The following CEP83 variants were observed in gnomAD, a reference collection of about 807,000 sequenced individuals.
CEP83 encodes centrosomal protein of 83 kDa.
A neutral mutation model predicts 101.9 loss-of-function variants in CEP83; 70 were observed. The observed-to-expected ratio is 0.69, with a 90% confidence interval of 0.57 to 0.84. The LOEUF is 0.84. Ranked by LOEUF, CEP83 falls within the 40% of genes least tolerant of loss-of-function variation. CEP83 has a pLI of 0.00. For missense variants in CEP83, 715 were observed against 787.2 expected (o/e 0.91, Z 1.10); for synonymous variants, 264 against 267.9 (o/e 0.99, Z 0.14).
intron 7 of CEP83, among the ~76,000 whole-genome samples, chr12:94,377,296 T>C (rs1229433163): frequency 6.6e-6 from 1 of 152,186 alleles, no homozygotes; most frequent in Non-Finnish European, 1.5e-5. Flanking sequence ...TTTACCCTCA[T>C]GACCACATGA....
chr12:94,278,202 C>T, the CEP83 span: 7 of 367,660 alleles, frequency 1.9e-5, no homozygotes, highest in Non-Finnish European at 2.7e-5. Flanking sequence ...CCTCGTTAAG[C>T]CAGGCTCAAA....
intron 8 of CEP83, among the ~76,000 whole-genome samples, chr12:94,373,014 G>A (rs1475218105): frequency 6.6e-6 from 1 of 152,070 alleles, no homozygotes; most frequent in Non-Finnish European, 1.5e-5. Flanking sequence ...ACTTTTCTAT[G>A]AGTAATCTGA....
intron 11 of CEP83, among the ~76,000 whole-genome samples, chr12:94,365,828 T>G (rs2060997686): frequency 6.6e-6 from 1 of 151,424 alleles, no homozygotes; most frequent in Non-Finnish European, 1.5e-5. Flanking sequence ...GGAGACTATT[T>G]CACTAAACAC....
intron 11 of CEP83, among the ~76,000 whole-genome samples, chr12:94,338,311 G>A (rs746018138): frequency 2.6e-5 from 4 of 152,136 alleles, no homozygotes; most frequent in African/African-American, 4.8e-5. Context: ...AGTCCTCAGC[G>A]ACTGTTAAGG....
intron 4 of CEP83, among the ~76,000 whole-genome samples, chr12:94,406,323 C>T (rs1427755064): frequency 6.6e-6 from 1 of 151,596 alleles, no homozygotes; most frequent in Non-Finnish European, 1.5e-5. Flanking sequence ...AAAACTCCGT[C>T]TCAAAAACAA....
chr12:94,428,798 T>C lies in CEP83; in HGVS notation c.-102+6477A>G, dbSNP rs2065399529. Among the ~76,000 whole-genome samples, 4 of 152,298 alleles carry C rather than the reference T, an allele frequency of 2.6e-5. No homozygotes were observed. In the South Asian group the frequency reaches 6.2e-4, roughly 24 times the overall value. ...CTTACAGTAAAAGGGTTTTGAGAGA[T>C]ATAAAAAATATACAGACCATCAAGT... On this transcript the variant is annotated intron_variant, in intron 2 of 16. Coordinates refer to ENST00000397809, the MANE Select transcript of CEP83 (RefSeq NM_016122.3).
downstream of CEP83, chr12:94,303,760 C>A: frequency 2.1e-6 from 3 of 1,413,724 alleles, no homozygotes; most frequent in Non-Finnish European, 2.8e-6. Context: ...CCCCAGGAAG[C>A]ACCAACTAAT....
chr12:94,365,586 A>G (rs1246077762), intron 11 of CEP83, among the ~76,000 whole-genome samples: 3 of 152,166 alleles, frequency 2.0e-5, no homozygotes, highest in African/African-American at 4.8e-5. Context: ...CCTGGCCAAC[A>G]TGGTGAAACC....
chr12:94,380,938 G>A (rs543471556), intron 6 of CEP83, among the ~76,000 whole-genome samples: 3 of 152,274 alleles, frequency 2.0e-5, no homozygotes, highest in Admixed American at 2.0e-4. Flanking sequence ...GCTAGCTGAT[G>A]ACTGAAAATT....
chr12:94,372,423 TTTAAA>T (rs879898815), intron 8 of CEP83, among the ~76,000 whole-genome samples: 58 of 152,378 alleles, frequency 3.8e-4, no homozygotes, highest in Middle Eastern at 3.4e-3. Context: ...ACAGATAGAA[TTTAAA>T]TTATAAATAC....
intron 14 of CEP83, among the ~76,000 whole-genome samples, chr12:94,320,687 G>A (rs377463434): frequency 6.6e-6 from 1 of 152,190 alleles, no homozygotes; most frequent in Non-Finnish European, 1.5e-5. Flanking sequence ...ATTCTTGGTT[G>A]AAGATTTTTT....
At chr12:94,283,330 C>G in the CEP83 span, among the ~76,000 whole-genome samples, 1 of 152,050 alleles carries the variant, frequency 6.6e-6, no homozygotes, top group East Asian at 1.9e-4. Flanking sequence ...GGAGAGCATG[C>G]GTGTTAGACT....
Position 94,459,624 on chromosome 12 carries a change from C to G in CEP83, c.-222G>C, listed in dbSNP as rs1295147937. On this transcript the variant is annotated 5_prime_UTR_variant, in exon 1 of 17. Transcript: ENST00000397809. Reference sequence around the variant, plus strand: ...AAGTGACCGCAGTTCTGGCCGCGCTCGCCACCGGGGACACCTCCACAGCTC... The same window carrying G: ...AAGTGACCGCAGTTCTGGCCGCGCTGGCCACCGGGGACACCTCCACAGCTC... 2 of 153,154 alleles carry G rather than the reference C, an allele frequency of 1.3e-5. No individual in the cohort carries two copies. The highest frequency in any genetic ancestry group is 4.8e-5 in the African/African-American group (2 of 41,484). The allele number at this position is 153,154 out of a possible 1,614,324, so 9.5% of individuals were successfully genotyped here. A position where few individuals can be genotyped will look rare whatever the true frequency, so the allele number is the denominator to read the frequency against.
the CEP83 span, among the ~76,000 whole-genome samples, chr12:94,289,285 A>G: frequency 2.2e-4 from 33 of 152,282 alleles, no homozygotes; most frequent in Admixed American, 2.6e-4. Context: ...TAATGATGGG[A>G]AAGTCTACAG....
intron 14 of CEP83, among the ~76,000 whole-genome samples, chr12:94,326,412 G>A (rs2058976586): frequency 6.6e-6 from 1 of 152,158 alleles, no homozygotes. Context: ...AGGTGACTCA[G>A]ACTTGCAACT....
the CEP83 span, among the ~76,000 whole-genome samples, chr12:94,294,912 A>C: frequency 0.21 from 32,223 of 152,188 alleles, 3,981 homozygotes; most frequent in Admixed American, 0.28. Flanking sequence ...CAGAGCCCCG[A>C]AGCAAGCGCT....
chr12:94,360,043 T>C (rs1421097319), intron 11 of CEP83, among the ~76,000 whole-genome samples: 1 of 152,162 alleles, frequency 6.6e-6, no homozygotes, highest in Non-Finnish European at 1.5e-5. Context: ...TTTCAATACA[T>C]GCAGAAAAAG....
At chr12:94,304,165 C>A (rs1968769069), downstream of CEP83, 6 of 679,206 alleles carry the variant, frequency 8.8e-6, no homozygotes, top group Non-Finnish European at 1.2e-5. Flanking sequence ...GAAAGGGAAG[C>A]CAGGAAGCCT....
intron 4 of CEP83, among the ~76,000 whole-genome samples, chr12:94,403,879 G>A (rs1284246344): frequency 2.1e-5 from 2 of 93,772 alleles, no homozygotes; most frequent in Non-Finnish European, 2.3e-5. Context: ...AATACTAGTT[G>A]TAAAAAAAAA....
Sources: gnomAD v4.1 joint callset for allele counts (sites outside exome capture counted in the v4.1 genomes callset) on GRCh38, gnomAD v4.1.1 for gene constraint, MANE v1.5 for transcripts, NCBI Gene and HGNC (gene_info 2026-07-23, HGNC 2026-07-21) for gene names.